Variants in SP4 observed in about 807,000 individuals in gnomAD.
SP4 encodes Sp4 transcription factor, also known as transcription factor Sp4.
SP4 carries 19 observed loss-of-function variants against 72.8 expected under a neutral mutation model. That is an observed-to-expected ratio of 0.26 (90% CI 0.18 to 0.38). SP4 has a LOEUF of 0.38. Ranked by LOEUF, SP4 falls within the 10% of genes least tolerant of loss-of-function variation. The probability of loss-of-function intolerance (pLI) is 1.00; values close to 1 mark genes in which losing one functional copy is unlikely to be tolerated. For missense variants in SP4, 1,008 were observed against 926.3 expected (o/e 1.09, Z -1.14); for synonymous variants, 395 against 333.1 (o/e 1.19, Z -2.02).
At chr7:21,445,982 ATGTGTATGTGTGTGTGTGTGTG>A (rs1042242177) in intron 3 of SP4, among the ~76,000 whole-genome samples, 4 of 100,928 alleles carry the variant, frequency 4.0e-5, no homozygotes, top group Admixed American at 2.2e-4. Flanking sequence ...TGTGTATCTT[ATGTGTATGTGTGTGTGTGTGTG>A]TGTGTGTGTG....
intron 3 of SP4, among the ~76,000 whole-genome samples, chr7:21,451,925 G>A (rs554442792): frequency 1.3e-4 from 20 of 152,270 alleles, no homozygotes; most frequent in East Asian, 3.9e-4. Flanking sequence ...TAGTCATGCC[G>A]GCTGAGACCT....
intron 3 of SP4, among the ~76,000 whole-genome samples, chr7:21,452,518 A>G (rs1449148684): frequency 6.6e-6 from 1 of 152,058 alleles, no homozygotes; most frequent in East Asian, 1.9e-4. Flanking sequence ...ACAATGTATG[A>G]GTTCAGTTTT....
At chr7:21,449,462 T>C (rs1326204039) in intron 3 of SP4, among the ~76,000 whole-genome samples, 1 of 152,242 alleles carries the variant, frequency 6.6e-6, no homozygotes, top group Non-Finnish European at 1.5e-5. Flanking sequence ...TAAGAAAGTA[T>C]TAAATACTGT....
chr7:21,428,882 A>T, intron 2 of SP4, 90 bp downstream of exon 2: 3 of 1,015,668 alleles, frequency 3.0e-6, no homozygotes, highest in Non-Finnish European at 4.3e-6. Flanking sequence ...TAACAGAATA[A>T]AATGTTTATC....
chr7:21,442,286 C>T (rs1236808741), intron 3 of SP4, among the ~76,000 whole-genome samples: 5 of 151,998 alleles, frequency 3.3e-5, no homozygotes, highest in East Asian at 1.9e-4. Context: ...GTGATCCACC[C>T]GCCTCAGCCT....
chr7:21,468,629 A>G (rs1562607063), intron 3 of SP4, among the ~76,000 whole-genome samples: 2 of 151,676 alleles, frequency 1.3e-5, no homozygotes, highest in Non-Finnish European at 2.9e-5. Context: ...GTCATATTAT[A>G]ATAATTTGTT....
chr7:21,433,087 C>G (rs1373109825), intron 3 of SP4, among the ~76,000 whole-genome samples: 1 of 152,202 alleles, frequency 6.6e-6, no homozygotes, highest in Non-Finnish European at 1.5e-5. Flanking sequence ...GGGTGTTGAG[C>G]TAGTTCGTTT....
At chr7:21,486,692 C>A (rs1353298629) in intron 5 of SP4, among the ~76,000 whole-genome samples, 2 of 152,088 alleles carry the variant, frequency 1.3e-5, no homozygotes, top group Non-Finnish European at 2.9e-5. Context: ...GTGATGTTAA[C>A]CCTGATGTAT....
intron 3 of SP4, among the ~76,000 whole-genome samples, chr7:21,452,503 T>G (rs1783631698): frequency 6.6e-6 from 1 of 152,172 alleles, no homozygotes; most frequent in African/African-American, 2.4e-5. Context: ...ACAGGGACTG[T>G]GTTGACAATG....
intron 3 of SP4, among the ~76,000 whole-genome samples, chr7:21,436,010 G>A (rs918303784): frequency 3.3e-5 from 5 of 151,888 alleles, no homozygotes; most frequent in Admixed American, 6.6e-5. Flanking sequence ...GTGATTCTCC[G>A]GCCTCAGCTC....
At chr7:21,442,231 A>G (rs1389420655) in intron 3 of SP4, among the ~76,000 whole-genome samples, 1 of 151,138 alleles carries the variant, frequency 6.6e-6, no homozygotes, top group Non-Finnish European at 1.5e-5. Flanking sequence ...CAGAGAGGGG[A>G]GTTTCGCCAT....
chr7:21,443,801 AAG>A (rs888022228), intron 3 of SP4, among the ~76,000 whole-genome samples: 1 of 152,224 alleles, frequency 6.6e-6, no homozygotes, highest in African/African-American at 2.4e-5. Flanking sequence ...GGATTTATAT[AAG>A]AGAAAGAAAT....
chr7:21,471,661 TA>T (rs1264817802), intron 3 of SP4, among the ~76,000 whole-genome samples: 1 of 152,058 alleles, frequency 6.6e-6, no homozygotes, highest in East Asian at 1.9e-4. Context: ...TAGTGAGACA[TA>T]ATCTCTAAAA....
intron 3 of SP4, among the ~76,000 whole-genome samples, chr7:21,454,082 A>G (rs1444243126): frequency 6.6e-6 from 1 of 152,218 alleles, no homozygotes; most frequent in Non-Finnish European, 1.5e-5. Flanking sequence ...AACTCTTAGC[A>G]GCTTTTACTT....
chr7:21,440,754 G>T (rs1483269186), intron 3 of SP4, among the ~76,000 whole-genome samples: 3 of 152,142 alleles, frequency 2.0e-5, no homozygotes, highest in Non-Finnish European at 4.4e-5. Flanking sequence ...GGAGGCCGAG[G>T]TGGGAGAATT....
chr7:21,496,797 C>T (rs1781720195), intron 5 of SP4, among the ~76,000 whole-genome samples: 2 of 152,164 alleles, frequency 1.3e-5, no homozygotes, highest in Non-Finnish European at 2.9e-5. Context: ...CATGTTGCAG[C>T]TTGCCTTCAG....
chr7:21,457,904 A>G (rs1302990749), intron 3 of SP4, among the ~76,000 whole-genome samples: 1 of 152,200 alleles, frequency 6.6e-6, no homozygotes, highest in Non-Finnish European at 1.5e-5. Flanking sequence ...CAATTAATGT[A>G]ATGAAATACA....
chr7:21,429,785 T>C lies in SP4; in HGVS notation c.620T>C (p.Ile207Thr), dbSNP rs1450832256. 2 of 1,614,192 alleles carry C rather than the reference T, an allele frequency of 1.2e-6. No homozygotes were observed. Among genetic ancestry groups the C allele is most frequent in the East Asian group, 2.2e-5 (1 of 44,882 alleles). Residue 207 changes from isoleucine (I) to threonine (T), a missense_variant, in exon 3 of 6, where the codon ATA becomes ACA. Physicochemically the swap from Ile to Thr is moderately conservative, Grantham distance 89. Transcript: ENST00000222584. ...QLISAGNNQA[I>T]LTAANRTASG... is the part of the protein sequence containing the mutation. Reference sequence around the variant, plus strand: ...ATTTCTGCAGGTAATAATCAAGCTATACTCACAGCTGCTAACAGGACAGCT... The same window carrying C: ...ATTTCTGCAGGTAATAATCAAGCTACACTCACAGCTGCTAACAGGACAGCT...
rs545158358 is a variant in SP4, at chr7:21,447,691, G to C, written c.1678+16848G>C. The stretch of plus-strand genomic sequence containing the variant: ...TTCTAGCTGCTGTCTTGGGAAGAAA[G>C]TACTTTTTTTGAGACAGAGTCTTGC... On this transcript the variant is annotated intron_variant, in intron 3 of 5. Coordinates refer to ENST00000222584, the MANE Select transcript of SP4 (RefSeq NM_003112.5). 1.3e-5 allele frequency among the ~76,000 whole-genome samples: 2 copies of C among 152,280 alleles called. 1 individual carries two copies. The highest frequency in any genetic ancestry group is 4.1e-4 in the South Asian group (2 of 4,826).
Sources: allele counts gnomAD v4.1 joint callset (sites outside exome capture counted in the v4.1 genomes callset), GRCh38; gene constraint gnomAD v4.1.1; transcripts MANE v1.5; gene names NCBI Gene and HGNC (gene_info 2026-07-23, HGNC 2026-07-21).